Variants in SEMA3A observed in about 807,000 individuals in gnomAD.
The protein encoded by SEMA3A is semaphorin-3A.
Under a neutral mutation model 97.9 loss-of-function variants are expected in SEMA3A, and 29 were observed. The ratio of observed to expected loss-of-function variants is 0.30; its 90% CI spans 0.22 to 0.40. The LOEUF (loss-of-function observed/expected upper bound fraction) is 0.40. Among genes scored for constraint, SEMA3A ranks in the 10% least tolerant of loss-of-function variants. The pLI is 1.00. For missense variants in SEMA3A, 763 were observed against 951.3 expected (o/e 0.80, Z 2.60); for synonymous variants, 321 against 323.7 (o/e 0.99, Z 0.09).
intron 2 of SEMA3A, among the ~76,000 whole-genome samples, chr7:84,352,971 C>T (rs1446499528): frequency 2.0e-5 from 3 of 151,706 alleles, no homozygotes; most frequent in African/African-American, 7.2e-5. Context: ...ACAGTCATCC[C>T]TTAGTATCCA....
At chr7:84,398,070 G>T (rs1803785580) in intron 1 of SEMA3A, among the ~76,000 whole-genome samples, 1 of 152,120 alleles carries the variant, frequency 6.6e-6, no homozygotes, top group Non-Finnish European at 1.5e-5. Flanking sequence ...AAAGAGTGAA[G>T]ATAAGCAAAT....
chr7:84,350,610 T>C (rs1458397370), intron 2 of SEMA3A, among the ~76,000 whole-genome samples: 2 of 152,164 alleles, frequency 1.3e-5, no homozygotes, highest in Non-Finnish European at 2.9e-5. Context: ...AATGGATATA[T>C]TCATCTTTGT....
At chr7:84,353,542 A>G (rs1802484332) in intron 2 of SEMA3A, among the ~76,000 whole-genome samples, 1 of 151,772 alleles carries the variant, frequency 6.6e-6, no homozygotes, top group African/African-American at 2.4e-5. Context: ...TGCATAATCT[A>G]TTTTTGTGAT....
chr7:84,142,510 A>G (rs1796323479), intron 1 of SEMA3A, among the ~76,000 whole-genome samples: 1 of 152,192 alleles, frequency 6.6e-6, no homozygotes, highest in South Asian at 2.1e-4. Context: ...TCCATCTGAC[A>G]TCAAAGGTCT....
At chr7:84,202,267 T>C (rs988677835) in intron 3 of SEMA3A, among the ~76,000 whole-genome samples, 3 of 152,210 alleles carry the variant, frequency 2.0e-5, no homozygotes, top group East Asian at 1.9e-4. Context: ...GAAATGCATA[T>C]GCTAATTAGC....
chr7:84,003,961 G>A (rs113834876), intron 11 of SEMA3A, among the ~76,000 whole-genome samples: 1,776 of 152,112 alleles, frequency 0.012, 39 homozygotes, highest in African/African-American at 0.041. Context: ...ACCTGACACT[G>A]TTACACCTGA....
At chr7:84,435,032 A>T (rs940554334) in intron 1 of SEMA3A, among the ~76,000 whole-genome samples, 2 of 152,162 alleles carry the variant, frequency 1.3e-5, no homozygotes, top group African/African-American at 2.4e-5. Flanking sequence ...ACAAATAAAT[A>T]AAAGGCATCC....
intron 1 of SEMA3A, among the ~76,000 whole-genome samples, chr7:84,470,528 G>T (rs1483021695): frequency 1.3e-5 from 2 of 152,054 alleles, no homozygotes; most frequent in African/African-American, 4.8e-5. Flanking sequence ...CTTTGTGCAT[G>T]GGTCTTACCT....
intron 3 of SEMA3A, among the ~76,000 whole-genome samples, chr7:84,124,786 G>A (rs1795740697): frequency 6.6e-6 from 1 of 152,006 alleles, no homozygotes; most frequent in Non-Finnish European, 1.5e-5. Context: ...AATTGCATCT[G>A]TAAATTAAAA....
At chr7:84,226,493 A>G (rs1407204360) in intron 3 of SEMA3A, among the ~76,000 whole-genome samples, 1 of 152,118 alleles carries the variant, frequency 6.6e-6, no homozygotes, top group Non-Finnish European at 1.5e-5. Flanking sequence ...TGCAGTAAAA[A>G]TCATATCTAT....
chr7:84,028,638 T>C (rs1791629578), intron 6 of SEMA3A, among the ~76,000 whole-genome samples: 1 of 152,230 alleles, frequency 6.6e-6, no homozygotes, highest in African/African-American at 2.4e-5. Flanking sequence ...GGAGTCTCAC[T>C]CTGTTGACCA....
chr7:84,076,059 T>C (rs1793935536), intron 4 of SEMA3A, among the ~76,000 whole-genome samples: 1 of 152,132 alleles, frequency 6.6e-6, no homozygotes, highest in Non-Finnish European at 1.5e-5. Context: ...TTAAATGAAA[T>C]AAAAATGTGT....
At chr7:84,277,969 G>A in intron 3 of SEMA3A, among the ~76,000 whole-genome samples, 1 of 152,014 alleles carries the variant, frequency 6.6e-6, no homozygotes. Context: ...CTGCCAAATG[G>A]TCAGGCTGCA....
intron 6 of SEMA3A, among the ~76,000 whole-genome samples, chr7:84,043,798 G>T (rs1394210939): frequency 3.9e-5 from 6 of 151,992 alleles, no homozygotes; most frequent in Non-Finnish European, 1.5e-5. Flanking sequence ...CACGTTTAGT[G>T]CTGAGAGACT....
At chr7:84,064,968 T>C (rs1330165472) in intron 4 of SEMA3A, among the ~76,000 whole-genome samples, 150 of 152,286 alleles carry the variant, frequency 9.8e-4, no homozygotes, top group African/African-American at 3.5e-3. Context: ...AGAATATACA[T>C]TTTTTCGGCA....
At chr7:84,348,363 C>T (rs1462829491) in intron 2 of SEMA3A, among the ~76,000 whole-genome samples, 1 of 152,076 alleles carries the variant, frequency 6.6e-6, no homozygotes, top group Non-Finnish European at 1.5e-5. Flanking sequence ...AAAATGTAAA[C>T]TCTCTTAGCA....
At chr7:84,140,190 A>G (rs1796256447) in intron 1 of SEMA3A, among the ~76,000 whole-genome samples, 1 of 152,096 alleles carries the variant, frequency 6.6e-6, no homozygotes. Context: ...ATTCACCCCT[A>G]CATACCAAGA....
In SEMA3A at chr7:84,009,706, T is replaced by C. The variant is rs149692684; in HGVS notation, c.995+1316A>G. On this transcript the variant is annotated intron_variant, in intron 9 of 16. Coordinates refer to ENST00000265362, the MANE Select transcript of SEMA3A (RefSeq NM_006080.3). The stretch of plus-strand genomic sequence containing the variant: ...TAGAGGGAAATAATCTCTGCTTAAT[T>C]GACAGCGAGAGACTTAGGGAGGATG... Among the ~76,000 whole-genome samples, 1,121 of 151,960 alleles carry C rather than the reference T, an allele frequency of 7.4e-3. 21 individuals are homozygous for C. Among genetic ancestry groups the C allele is most frequent in the African/African-American group, 0.025 (1,054 of 41,414 alleles).
chr7:84,455,211 G>C (rs1805659409), intron 1 of SEMA3A, among the ~76,000 whole-genome samples: 1 of 151,826 alleles, frequency 6.6e-6, no homozygotes, highest in Admixed American at 6.6e-5. Context: ...GTTGAGGGAT[G>C]GGGAGGAATA....
Sources: allele counts gnomAD v4.1 joint callset (sites outside exome capture counted in the v4.1 genomes callset), GRCh38; gene constraint gnomAD v4.1.1; transcripts MANE v1.5; gene names NCBI Gene and HGNC (gene_info 2026-07-23, HGNC 2026-07-21).